The following LOC128125817 variants were observed in gnomAD, a reference collection of about 807,000 sequenced individuals.
At chr1:41,599,197 A>C in the LOC128125817 span, among the ~76,000 whole-genome samples, 1 of 152,238 alleles carries the variant, frequency 6.6e-6, no homozygotes, top group African/African-American at 2.4e-5. Flanking sequence ...AAGCTATTGG[A>C]TATCCATATT....
At chr1:41,594,266 A>C in the LOC128125817 span, among the ~76,000 whole-genome samples, 10 of 152,200 alleles carry the variant, frequency 6.6e-5, no homozygotes, top group South Asian at 6.2e-4. Flanking sequence ...TCTGTTGCCC[A>C]GGATGGAGTG....
At chr1:41,603,852 G>A in the LOC128125817 span, among the ~76,000 whole-genome samples, 1 of 152,202 alleles carries the variant, frequency 6.6e-6, no homozygotes, top group Non-Finnish European at 1.5e-5. Context: ...TTGGTCTATA[G>A]TGTTGTTCGA....
At chr1:41,595,440 C>T in the LOC128125817 span, among the ~76,000 whole-genome samples, 1 of 152,188 alleles carries the variant, frequency 6.6e-6, no homozygotes. Flanking sequence ...TGCCTTTACA[C>T]ATTGTTGTTC....
At chr1:41,613,872 T>G in the LOC128125817 span, among the ~76,000 whole-genome samples, 2 of 152,230 alleles carry the variant, frequency 1.3e-5, no homozygotes, top group African/African-American at 4.8e-5. Context: ...CTCTATAAAT[T>G]TGCCTTATCT....
chr1:41,608,135 G>T, the LOC128125817 span, among the ~76,000 whole-genome samples: 85 of 152,314 alleles, frequency 5.6e-4, 1 homozygote, highest in African/African-American at 1.9e-3. Flanking sequence ...TTCCCGTGAG[G>T]TGTCTCGTCT....
chr1:41,608,682 C>T, the LOC128125817 span, among the ~76,000 whole-genome samples: 1 of 152,234 alleles, frequency 6.6e-6, no homozygotes, highest in Non-Finnish European at 1.5e-5. Flanking sequence ...TGTGCAATCT[C>T]ATGGGCTTTC....
At chr1:41,618,381 G>T in the LOC128125817 span, among the ~76,000 whole-genome samples, 1 of 152,322 alleles carries the variant, frequency 6.6e-6, no homozygotes, top group East Asian at 1.9e-4. Flanking sequence ...AAAATTGAGG[G>T]CCTCAGTGTT....
the LOC128125817 span, among the ~76,000 whole-genome samples, chr1:41,623,095 G>A: frequency 6.6e-6 from 1 of 152,188 alleles, no homozygotes; most frequent in Non-Finnish European, 1.5e-5. Flanking sequence ...CCAAGCTCCA[G>A]GGCTTCAGTG....
the LOC128125817 span, among the ~76,000 whole-genome samples, chr1:41,610,698 G>T: frequency 1.3e-5 from 2 of 152,192 alleles, no homozygotes; most frequent in Non-Finnish European, 2.9e-5. Flanking sequence ...CTCCACCCAG[G>T]GAGCCCGGTT....
the LOC128125817 span, among the ~76,000 whole-genome samples, chr1:41,616,235 C>T: frequency 6.6e-6 from 1 of 152,144 alleles, no homozygotes; most frequent in Non-Finnish European, 1.5e-5. Flanking sequence ...AAACTTAGAG[C>T]ACCCCAAGTG....
At chr1:41,619,824 T>G in the LOC128125817 span, among the ~76,000 whole-genome samples, 3 of 152,144 alleles carry the variant, frequency 2.0e-5, no homozygotes, top group African/African-American at 7.2e-5. Flanking sequence ...CCAGCCCCGG[T>G]AGAGCAGCTC....
chr1:41,620,116 C>G, the LOC128125817 span, among the ~76,000 whole-genome samples: 2 of 152,118 alleles, frequency 1.3e-5, no homozygotes, highest in African/African-American at 4.8e-5. Flanking sequence ...AGGACAAAGG[C>G]TTGGGAGCAC....
chr1:41,603,522 T>A, the LOC128125817 span, among the ~76,000 whole-genome samples: 1 of 151,712 alleles, frequency 6.6e-6, no homozygotes, highest in African/African-American at 2.4e-5. Context: ...ACCATGCCCA[T>A]CTAATTTTTG....
the LOC128125817 span, among the ~76,000 whole-genome samples, chr1:41,610,616 C>T: frequency 6.6e-6 from 1 of 152,192 alleles, no homozygotes; most frequent in African/African-American, 2.4e-5. Flanking sequence ...GGGGCAGTGG[C>T]CCACAGCCTT....
chr1:41,599,746 T>G, the LOC128125817 span, among the ~76,000 whole-genome samples: 5 of 152,252 alleles, frequency 3.3e-5, 1 homozygote, highest in African/African-American at 1.2e-4. Flanking sequence ...CATCAAAATT[T>G]AAAATCTTCT....
chr1:41,616,272 G>A, the LOC128125817 span, among the ~76,000 whole-genome samples: 1 of 152,194 alleles, frequency 6.6e-6, no homozygotes, highest in Admixed American at 6.5e-5. Flanking sequence ...ACTGATGAAT[G>A]CCACAGCAGG....
At chr1:41,612,121 C>A in the LOC128125817 span, among the ~76,000 whole-genome samples, 1 of 152,050 alleles carries the variant, frequency 6.6e-6, no homozygotes, top group African/African-American at 2.4e-5. Flanking sequence ...GCTCCTCTCA[C>A]CCTTTCTGCC....
the LOC128125817 span, among the ~76,000 whole-genome samples, chr1:41,610,092 G>C: frequency 6.6e-6 from 1 of 152,116 alleles, no homozygotes; most frequent in Non-Finnish European, 1.5e-5. Context: ...CAGCCTGCTG[G>C]CCCATCCTGC....
At chr1:41,591,556 C>T in the LOC128125817 span, among the ~76,000 whole-genome samples, 3 of 152,148 alleles carry the variant, frequency 2.0e-5, no homozygotes, top group East Asian at 5.8e-4. Context: ...GGATGAAAAT[C>T]ATCACGATCC....
Sources: allele counts gnomAD v4.1 joint callset (sites outside exome capture counted in the v4.1 genomes callset), GRCh38; gene constraint gnomAD v4.1.1; transcripts MANE v1.5.